Variants in SLC38A11 observed in about 807,000 individuals in gnomAD.
The protein encoded by SLC38A11 is putative sodium-coupled neutral amino acid transporter 11.
SLC38A11 carries 51 observed loss-of-function variants against 49.4 expected under a neutral mutation model. The observed-to-expected ratio is 1.03, with a 90% confidence interval of 0.83 to 1.30. The LOEUF (loss-of-function observed/expected upper bound fraction) is 1.30, where lower values mean the gene tolerates loss of function less well. Ranked by LOEUF, SLC38A11 falls within the 50% of genes most tolerant of loss-of-function variation. SLC38A11 has a pLI of 0.00. For synonymous variants in SLC38A11, 203 were observed against 192.9 expected, an observed-to-expected ratio of 1.05 and a Z score of -0.43; for missense variants, 574 against 556.2, an observed-to-expected ratio of 1.03 and a Z score of -0.32.
intron 7 of SLC38A11, among the ~76,000 whole-genome samples, chr2:164,931,241 C>CAAAAAAA (rs71028455): frequency 1.3e-5 from 1 of 74,776 alleles, no homozygotes; most frequent in African/African-American, 5.5e-5. Context: ...TGATCCCCCA[C>CAAAAAAA]AAAAAAAAAA....
chr2:164,898,640 T>C lies in SLC38A11; in HGVS notation c.1186A>G (p.Ile396Val). 6.2e-7 allele frequency: 1 copy of C among 1,613,462 alleles called. No individual in the cohort carries two copies. The highest frequency in any genetic ancestry group is 8.5e-7 in the Non-Finnish European group (1 of 1,179,666). Residue 396 changes from isoleucine to valine, a missense_variant, in exon 12 of 12, where the codon ATT becomes GTT. Coordinates refer to ENST00000685975, the MANE Select transcript of SLC38A11 (RefSeq NM_001351537.2). Reference protein sequence around the residue: ...SEEPRTHSDKIMSCVMLPIGA... With the variant: ...SEEPRTHSDKVMSCVMLPIGA... ...ATGGGAAGCATGACACAAGACATAA[T>C]CTTATCGGAGTGTGTCCTTGGTTCT... is the stretch of plus-strand genomic sequence containing the variant.
At chr2:164,928,345 C>A (rs556767722) in intron 7 of SLC38A11, among the ~76,000 whole-genome samples, 3 of 152,280 alleles carry the variant, frequency 2.0e-5, no homozygotes, top group South Asian at 2.1e-4. Flanking sequence ...TTATTTGTCT[C>A]AAGACAATGT....
intron 3 of SLC38A11, among the ~76,000 whole-genome samples, chr2:164,947,218 G>A (rs552452269): frequency 1.3e-4 from 18 of 133,794 alleles, no homozygotes; most frequent in African/African-American, 4.6e-4. Context: ...TGCAACTTCC[G>A]CCTCCTGGGT....
At chr2:164,915,037 TAAC>T (rs1362717828) in intron 9 of SLC38A11, 72 bp downstream of exon 9, 1 of 1,337,136 alleles carries the variant, frequency 7.5e-7, no homozygotes, top group Non-Finnish European at 1.0e-6. Flanking sequence ...GGCATACCTG[TAAC>T]AATAATGAGT....
At position 164,915,317 on chromosome 2, in the gene SLC38A11, G is replaced by T. The variant is rs1183286540; in HGVS notation, c.689-44C>A. On this transcript the variant is annotated intron_variant, in intron 8 of 11. Transcript: ENST00000685975. Reference sequence around the variant, plus strand: ...GAGCATTATTAAATCAAGCACCAGGGTTTTCTTTTTTAGTTCTGAAATTCA... The same window carrying T: ...GAGCATTATTAAATCAAGCACCAGGTTTTTCTTTTTTAGTTCTGAAATTCA... 8 of 1,533,836 alleles carry T rather than the reference G, an allele frequency of 5.2e-6. 1 individual carries two copies. In the Middle Eastern group the frequency reaches 5.3e-4, roughly 101 times the overall value.
Position 164,954,762 on chromosome 2 carries a change from C to A in SLC38A11, c.40-17G>T. ...TAAATCTCTCTAATAGATAAAATAG[C>A]AATTATAAGCAAATACTAGTTCAGA... On this transcript the variant is annotated splice_polypyrimidine_tract_variant and intron_variant, in intron 1 of 11. Transcript: ENST00000685975. The A allele has an allele frequency of 3.8e-6, 5 of 1,302,334 alleles. No homozygotes were observed. The highest frequency in any genetic ancestry group is 2.6e-5 in the East Asian group (1 of 38,834). The allele number at this position is 1,302,334 out of a possible 1,614,324, so 80.7% of individuals were successfully genotyped here.
In SLC38A11 at chr2:164,915,248, G is replaced by C; in HGVS notation, c.714C>G (p.Phe238Leu). ...SFAFICHHNS[F>L]LVYSSLEEPT... ...GTTCTTCTAGAGAACTGTAAACTAA[G>C]AAGGAGTTATGGTGGCAAATAAATG... is the stretch of plus-strand genomic sequence containing the variant. The change falls in exon 9 of 12, where the codon TTC becomes TTG. Residue 238 changes from phenylalanine to leucine, a missense_variant. Transcript: ENST00000685975. 6.2e-7 allele frequency: 1 copy of C among 1,606,932 alleles called. No homozygotes were observed. Among genetic ancestry groups the C allele is most frequent in the Non-Finnish European group, 8.5e-7 (1 of 1,176,896 alleles).
intron 7 of SLC38A11, among the ~76,000 whole-genome samples, chr2:164,926,858 T>C: frequency 9.1e-6 from 1 of 109,932 alleles, no homozygotes; most frequent in South Asian, 3.2e-4. Context: ...CACCAGGGCC[T>C]GTTGTGGGGT....
rs1448060146 is a variant in SLC38A11, at chr2:164,895,179, C to T, written c.*3258G>A. Among the ~76,000 whole-genome samples the T allele has an allele frequency of 6.6e-6, 1 of 152,172 alleles. No individual in the cohort carries two copies. Among genetic ancestry groups the T allele is most frequent in the Non-Finnish European group, 1.5e-5 (1 of 68,030 alleles). On this transcript the variant is annotated 3_prime_UTR_variant, in exon 12 of 12. Coordinates refer to ENST00000685975, the MANE Select transcript of SLC38A11 (RefSeq NM_001351537.2). ...ACAAAGACTGGGCTCTTTTCTTTCTCTCCTGGTCTATGTGTTCTCTAGGTC... is the reference window on the plus strand; with the variant it reads ...ACAAAGACTGGGCTCTTTTCTTTCTTTCCTGGTCTATGTGTTCTCTAGGTC...
intron 7 of SLC38A11, among the ~76,000 whole-genome samples, chr2:164,920,199 G>A (rs536192088): frequency 6.6e-6 from 1 of 151,616 alleles, no homozygotes; most frequent in South Asian, 2.1e-4. Context: ...ACTTGAACCT[G>A]GGGGGTGGAG....
chr2:164,905,745 A>T (rs1684957293), intron 11 of SLC38A11, among the ~76,000 whole-genome samples: 1 of 152,106 alleles, frequency 6.6e-6, no homozygotes, highest in South Asian at 2.1e-4. Context: ...ACAATTTAGC[A>T]CTCTAATTTT....
At chr2:164,947,470 CTTA>C (rs1373158845) in intron 3 of SLC38A11, among the ~76,000 whole-genome samples, 1 of 152,052 alleles carries the variant, frequency 6.6e-6, no homozygotes, top group African/African-American at 2.4e-5. Context: ...TGTGATCTCA[CTTA>C]TGCTGTGGTT....
chr2:164,927,310 C>T (rs1047137574), intron 7 of SLC38A11, among the ~76,000 whole-genome samples: 9 of 152,070 alleles, frequency 5.9e-5, no homozygotes, highest in Non-Finnish European at 1.0e-4. Flanking sequence ...AATTTCTGTT[C>T]TTTATAAATT....
At chr2:164,915,380 T>C in intron 8 of SLC38A11, 107 bp from the exon 9 acceptor site, 1 of 930,828 alleles carries the variant, frequency 1.1e-6, no homozygotes, top group Non-Finnish European at 1.6e-6. Context: ...GAACTGAAGT[T>C]TAAACATACA....
intron 7 of SLC38A11, among the ~76,000 whole-genome samples, chr2:164,931,263 TC>T (rs1686985890): frequency 1.1e-5 from 1 of 90,096 alleles, no homozygotes; most frequent in Non-Finnish European, 2.2e-5. Flanking sequence ...AAAAAAAAAA[TC>T]AGAGATGACA....
chr2:164,937,613 T>C, intron 6 of SLC38A11, 184 bp from the exon 7 acceptor site: 5 of 513,446 alleles, frequency 9.7e-6, no homozygotes, highest in Non-Finnish European at 1.0e-5. Context: ...ATCAGATCAG[T>C]CTTGGTTCCC....
At chr2:164,919,804 C>T (rs1009407922) in intron 7 of SLC38A11, among the ~76,000 whole-genome samples, 1 of 151,998 alleles carries the variant, frequency 6.6e-6, no homozygotes, top group Non-Finnish European at 1.5e-5. Context: ...TCCAATATTT[C>T]TGTCCACAGT....
chr2:164,912,970 C>T (rs1261905575), intron 9 of SLC38A11, among the ~76,000 whole-genome samples: 6 of 151,872 alleles, frequency 4.0e-5, no homozygotes, highest in African/African-American at 1.5e-4. Context: ...ATATAACGTG[C>T]TTAAATGTTA....
chr2:164,907,270 C>CTTTTTTTT lies in SLC38A11; in HGVS notation c.1095+1362_1095+1369dup, dbSNP rs60527900. Among the ~76,000 whole-genome samples the CTTTTTTTT allele has an allele frequency of 4.0e-3, 390 of 97,900 alleles. 14 individuals carry two copies. The highest frequency in any genetic ancestry group is 0.011 in the African/African-American group (285 of 25,880). The allele number at this position is 97,900 out of a possible 152,430, so 64.2% of individuals were successfully genotyped here. A position where few individuals can be genotyped will look rare whatever the true frequency, so the allele number is the denominator to read the frequency against. On this transcript the variant is annotated intron_variant, in intron 11 of 11. Transcript: ENST00000685975. ...TCCATTTCCCTCTGTCTTCTTTTCTCTTTTTTTTTTTTTTTTTTTTTGAGA... is the reference window on the plus strand; with the variant it reads ...TCCATTTCCCTCTGTCTTCTTTTCTCTTTTTTTTTTTTTTTTTTTTTTTTTTTTTGAGA...
Sources: allele counts gnomAD v4.1 joint callset (sites outside exome capture counted in the v4.1 genomes callset), GRCh38; gene constraint gnomAD v4.1.1; transcripts MANE v1.5; gene names NCBI Gene and HGNC (gene_info 2026-07-23, HGNC 2026-07-21).